ANKFY1: variants seen among roughly 807,000 people sequenced by gnomAD.
ANKFY1 encodes ankyrin repeat and FYVE domain containing 1, also known as ankyrin repeat and FYVE domain-containing protein 1.
A neutral mutation model predicts 128.3 loss-of-function variants in ANKFY1; 47 were observed. The observed-to-expected ratio is 0.37, with a 90% CI of 0.29 to 0.47. The LOEUF (loss-of-function observed/expected upper bound fraction) is 0.47. ANKFY1 is among the 20% of genes least tolerant of loss of function. The pLI, the probability that ANKFY1 is intolerant of heterozygous loss-of-function variation, is 1.00. For synonymous variants in ANKFY1, 553 were observed against 601.6 expected (o/e 0.92, Z 1.18); for missense variants, 1,222 against 1,510.6 (o/e 0.81, Z 3.17).
intron 3 of ANKFY1, among the ~76,000 whole-genome samples, chr17:4,220,176 CAG>C (rs1312128012): frequency 6.6e-6 from 1 of 152,166 alleles, no homozygotes; most frequent in Non-Finnish European, 1.5e-5. Context: ...TAACACCAGA[CAG>C]AAAACTAATT....
intron 22 of ANKFY1, among the ~76,000 whole-genome samples, chr17:4,172,040 G>A (rs1260827602): frequency 1.3e-5 from 2 of 152,140 alleles, no homozygotes; most frequent in South Asian, 2.1e-4. Context: ...GAGAGTCACC[G>A]GAAAAGCTAG....
At chr17:4,232,114 G>T (rs79533646) in intron 3 of ANKFY1, among the ~76,000 whole-genome samples, 278 of 152,068 alleles carry the variant, frequency 1.8e-3, no homozygotes, top group African/African-American at 6.6e-3. Flanking sequence ...TTATATGAAT[G>T]GATTAATGTT....
intron 3 of ANKFY1, among the ~76,000 whole-genome samples, chr17:4,229,239 C>T (rs758391062): frequency 1.4e-4 from 21 of 151,994 alleles, no homozygotes; most frequent in Non-Finnish European, 2.8e-4. Context: ...GCATGGCCAA[C>T]GTGGCAAAAC....
chr17:4,242,212 A>G, intron 2 of ANKFY1, 44 bp downstream of exon 2: 1 of 1,451,700 alleles, frequency 6.9e-7, no homozygotes, highest in Non-Finnish European at 9.1e-7. Context: ...AGTGTGGCCC[A>G]GGAATAAAGC....
intron 10 of ANKFY1, among the ~76,000 whole-genome samples, chr17:4,192,219 T>G (rs2059730065): frequency 6.6e-6 from 1 of 150,698 alleles, no homozygotes; most frequent in Admixed American, 6.6e-5. Context: ...GTTGCTCTAA[T>G]CTGGAGACTC....
At chr17:4,253,114 G>A (rs182091001) in intron 1 of ANKFY1, among the ~76,000 whole-genome samples, 39 of 152,180 alleles carry the variant, frequency 2.6e-4, no homozygotes, top group African/African-American at 6.3e-4. Context: ...CCAGCTACTT[G>A]GGAGGCTGAG....
chr17:4,187,559 G>A, intron 11 of ANKFY1: 2 of 335,380 alleles, frequency 6.0e-6, no homozygotes, highest in Non-Finnish European at 5.4e-6. Flanking sequence ...TTTCAAGTGA[G>A]GCCTCCCGTT....
At chr17:4,206,518 G>T (rs767260148) in intron 6 of ANKFY1, 32 bp from the exon 7 acceptor site, 1 of 1,597,838 alleles carries the variant, frequency 6.3e-7, no homozygotes, top group East Asian at 2.2e-5. Context: ...TTAGCGCCCA[G>T]TGAGTAGAGA....
chr17:4,174,386 A>C (rs1028279888), intron 19 of ANKFY1, among the ~76,000 whole-genome samples: 1 of 152,184 alleles, frequency 6.6e-6, no homozygotes, highest in Admixed American at 6.5e-5. Flanking sequence ...ACTGCTTGGA[A>C]TAGGAAAGCC....
intron 19 of ANKFY1, among the ~76,000 whole-genome samples, chr17:4,176,917 C>T (rs900638963): frequency 1.3e-5 from 2 of 152,204 alleles, no homozygotes; most frequent in Non-Finnish European, 2.9e-5. Flanking sequence ...GGAAGGGCCC[C>T]ATCTAGCATC....
rs146375695 is a variant in ANKFY1 at position 4,209,797 on chromosome 17, T to C, written c.582+27A>G. On this transcript the variant is annotated intron_variant, in intron 5 of 24. Transcript: ENST00000341657. Reference sequence around the variant, plus strand: ...GTCTCCTGACTGCCAGCTAGAGTGCTTTGTTGACACCCTCAACCTCACTCA... The same window carrying C: ...GTCTCCTGACTGCCAGCTAGAGTGCCTTGTTGACACCCTCAACCTCACTCA... 4.0e-4 allele frequency: 642 copies of C among 1,593,014 alleles called. 7 individuals are homozygous for C. In the East Asian group the frequency reaches 0.011, roughly 27 times the overall value.
chr17:4,177,028 C>T (rs1258130731), intron 19 of ANKFY1, 98 bp downstream of exon 19: 2 of 1,290,514 alleles, frequency 1.5e-6, no homozygotes, highest in African/African-American at 3.1e-5. Context: ...CAGGTGCTTT[C>T]ACAACACCGG....
At chr17:4,223,054 T>C (rs1365412935) in intron 3 of ANKFY1, 5 of 738,794 alleles carry the variant, frequency 6.8e-6, no homozygotes, top group Non-Finnish European at 1.2e-5. Flanking sequence ...GAAGGTACTC[T>C]TGGGCATATT....
intron 3 of ANKFY1, chr17:4,222,736 T>C (rs1345869637): frequency 1.9e-5 from 18 of 952,586 alleles, no homozygotes; most frequent in Non-Finnish European, 3.1e-5. Flanking sequence ...TCTTGTGCAG[T>C]AATATTTCTC....
chr17:4,259,106 G>A (rs1214170041), intron 1 of ANKFY1, among the ~76,000 whole-genome samples: 2 of 152,112 alleles, frequency 1.3e-5, no homozygotes, highest in African/African-American at 4.8e-5. Flanking sequence ...GGCTCTTCCT[G>A]CAACTGAGAA....
chr17:4,169,291 G>A lies in ANKFY1; in HGVS notation c.3287-3C>T. 4 of 1,546,224 alleles carry A rather than the reference G, an allele frequency of 2.6e-6. No homozygotes were observed. The highest frequency in any genetic ancestry group is 3.5e-6 in the Non-Finnish European group (4 of 1,143,762). ...CGGAGGCTCCTTGGACAGCATATCT[G>A]CAACACAGGGGGGAGGCCCGGTCCC... On this transcript the variant is annotated splice_region_variant and splice_polypyrimidine_tract_variant and intron_variant, in intron 23 of 24. Transcript: ENST00000341657. The surrounding 1 kb of genome is among the most constrained non-coding windows in gnomAD (Gnocchi z 5.0).
chr17:4,255,321 A>G (rs1447595679), intron 1 of ANKFY1, among the ~76,000 whole-genome samples: 1 of 139,166 alleles, frequency 7.2e-6, no homozygotes, highest in Non-Finnish European at 1.5e-5. Context: ...ATCTTGGCTC[A>G]TGGCAACCTC....
intron 2 of ANKFY1, among the ~76,000 whole-genome samples, chr17:4,240,002 C>T (rs1396232059): frequency 1.3e-5 from 2 of 151,716 alleles, no homozygotes; most frequent in Admixed American, 6.6e-5. Context: ...CTATACGCAA[C>T]ATCACAGGTG....
At chr17:4,201,225 TCTCA>T (rs2059922204) in intron 7 of ANKFY1, among the ~76,000 whole-genome samples, 1 of 152,156 alleles carries the variant, frequency 6.6e-6, no homozygotes, top group African/African-American at 2.4e-5. Flanking sequence ...AGAGGTGAGG[TCTCA>T]CTATGTTGCC....
Sources: gnomAD v4.1 joint callset for allele counts (sites outside exome capture counted in the v4.1 genomes callset) on GRCh38, gnomAD v4.1.1 for gene constraint, Gnocchi (gnomAD v3.1) non-coding constraint, MANE v1.5 for transcripts, NCBI Gene and HGNC (gene_info 2026-07-23, HGNC 2026-07-21) for gene names.